Variants in KLB observed in about 807,000 individuals in gnomAD.
KLB encodes klotho beta, also known as beta-klotho.
A neutral mutation model predicts 88.4 loss-of-function variants in KLB; 44 were observed. The ratio of observed to expected loss-of-function variants is 0.50; its 90% CI spans 0.39 to 0.64. The LOEUF (loss-of-function observed/expected upper bound fraction) is 0.64. Ranked by LOEUF, KLB falls within the 30% of genes least tolerant of loss-of-function variation. The pLI, the probability that KLB is intolerant of heterozygous loss-of-function variation, is 0.00. For missense variants in KLB, 1,137 were observed against 1,304.8 expected (o/e 0.87, Z 1.98); for synonymous variants, 548 against 513.4 (o/e 1.07, Z -0.91).
rs950425289 is a variant in KLB at position 39,437,661 on chromosome 4, G to A, written c.1337-66G>A. ...ATATGCTGTCCTCTGGCATGTTAGT[G>A]AAATTGTAAACATGAACTAGAATGT... is the stretch of plus-strand genomic sequence containing the variant. On this transcript the variant is annotated intron_variant, in intron 2 of 4. Transcript: ENST00000257408. The A allele has an allele frequency of 8.6e-6, 13 of 1,505,582 alleles. No individual in the cohort carries two copies. In the South Asian group the frequency reaches 1.5e-4, roughly 17 times the overall value. 93.3% of individuals were successfully genotyped at this position (1,505,582 alleles called of 1,614,324 possible).
chr4:39,421,696 T>C (rs1191022093), intron 1 of KLB, among the ~76,000 whole-genome samples: 1 of 151,596 alleles, frequency 6.6e-6, no homozygotes, highest in African/African-American at 2.4e-5. Flanking sequence ...TAGAGGTTGC[T>C]GTGAGCAGAG....
chr4:39,428,730 G>A (rs944150761), intron 1 of KLB, among the ~76,000 whole-genome samples: 1 of 152,066 alleles, frequency 6.6e-6, no homozygotes, highest in Non-Finnish European at 1.5e-5. Flanking sequence ...TTTCAAGATG[G>A]AGTTTTGCTC....
Position 39,446,642 on chromosome 4 carries a change from T to C in KLB, c.1916T>C (p.Val639Ala), listed in dbSNP as rs749275027. Residue 639 changes from valine (V) to alanine (A), a missense_variant, in exon 4 of 5, where the codon GTC (valine) becomes GCC (alanine). By Grantham distance (64) the Val-to-Ala change is moderately conservative. Coordinates refer to ENST00000257408, the MANE Select transcript of KLB (RefSeq NM_175737.4). This position sits in a 1 kb window ranked among gnomAD's most constrained non-coding sequence, Gnocchi z 6.4. ...EGLKLGISAM[V>A]TLYYPTHAHL... ...CTGAAGCTTGGCATCTCCGCGATGGTCACCCTGTATTATCCGACCCACGCC... is the reference window on the plus strand; with the variant it reads ...CTGAAGCTTGGCATCTCCGCGATGGCCACCCTGTATTATCCGACCCACGCC... 4 of 1,613,424 alleles carry C rather than the reference T, an allele frequency of 2.5e-6. No individual in the cohort carries two copies. Among genetic ancestry groups the C allele is most frequent in the Non-Finnish European group, 3.4e-6 (4 of 1,179,612 alleles).
intron 1 of KLB, among the ~76,000 whole-genome samples, chr4:39,415,168 C>T (rs1384016242): frequency 6.6e-6 from 1 of 152,096 alleles, no homozygotes; most frequent in Non-Finnish European, 1.5e-5. Context: ...CCGCCTCGGC[C>T]TCTCAAAGTG....
intron 1 of KLB, among the ~76,000 whole-genome samples, chr4:39,426,055 A>G (rs1298445289): frequency 1.3e-5 from 2 of 152,094 alleles, no homozygotes; most frequent in African/African-American, 4.8e-5. Flanking sequence ...GATTGAGACC[A>G]TCCTGGCTAA....
intron 1 of KLB, among the ~76,000 whole-genome samples, chr4:39,411,756 T>C (rs1225973739): frequency 1.3e-5 from 2 of 151,948 alleles, no homozygotes. Context: ...TGGTGGCTCA[T>C]ACCTGTAATC....
chr4:39,408,940 CAGA>C (rs1200855274), intron 1 of KLB, among the ~76,000 whole-genome samples: 3 of 77,956 alleles, frequency 3.8e-5, no homozygotes, highest in African/African-American at 1.2e-4. Flanking sequence ...GCTAAATATA[CAGA>C]AGTAGAAAAA....
chr4:39,451,099 C>T lies in KLB; in HGVS notation c.*2413C>T, dbSNP rs1052574758. 3 of 152,140 alleles carry T rather than the reference C, an allele frequency of 2.0e-5. No individual in the cohort carries two copies. Among genetic ancestry groups the T allele is most frequent in the Non-Finnish European group, 2.9e-5 (2 of 68,018 alleles). 9.4% of individuals were successfully genotyped at this position (152,140 alleles called of 1,614,324 possible). On this transcript the variant is annotated 3_prime_UTR_variant, in exon 5 of 5. Coordinates refer to ENST00000257408, the MANE Select transcript of KLB (RefSeq NM_175737.4). Reference sequence around the variant, plus strand: ...TTCCTAACCCAGTACTGAGAGTCCTCCTTCTCTGCCACTTGGGCATTATTT... The same window carrying T: ...TTCCTAACCCAGTACTGAGAGTCCTTCTTCTCTGCCACTTGGGCATTATTT...
Position 39,434,256 on chromosome 4 carries a change from A to C in KLB, c.872A>C (p.His291Pro), listed in dbSNP as rs201137531. 6.2e-7 allele frequency: 1 copy of C among 1,614,056 alleles called. No individual in the cohort carries two copies. Among genetic ancestry groups the C allele is most frequent in the Middle Eastern group, 1.6e-4 (1 of 6,062 alleles). Residue 291 changes from histidine (H) to proline (P), a missense_variant, in exon 2 of 5, where the codon CAT (histidine) becomes CCT (proline). Transcript: ENST00000257408. Reference protein sequence around the residue: ...WHNYNTHFRPHQKGWLSITLG... With the variant: ...WHNYNTHFRPPQKGWLSITLG... ...AACTACAACACACATTTCCGCCCAC[A>C]TCAGAAGGGTTGGTTATCGATCACG...
chr4:39,420,090 A>G (rs1743048497), intron 1 of KLB, among the ~76,000 whole-genome samples: 1 of 152,182 alleles, frequency 6.6e-6, no homozygotes, highest in Non-Finnish European at 1.5e-5. Context: ...GTGAAGAGTG[A>G]ATCACAGAAG....
At chr4:39,431,002 C>T (rs969790662) in intron 1 of KLB, among the ~76,000 whole-genome samples, 1 of 151,618 alleles carries the variant, frequency 6.6e-6, no homozygotes, top group Non-Finnish European at 1.5e-5. Context: ...CTGCAACCTC[C>T]GCCTCCCTGG....
intron 1 of KLB, among the ~76,000 whole-genome samples, chr4:39,420,683 A>G (rs1323245944): frequency 5.3e-5 from 8 of 151,740 alleles, no homozygotes; most frequent in Admixed American, 5.3e-4. Context: ...CCTGGCTAAC[A>G]TTTTTAGTTT....
intron 3 of KLB, among the ~76,000 whole-genome samples, chr4:39,444,184 A>T: frequency 6.6e-6 from 1 of 152,216 alleles, no homozygotes; most frequent in African/African-American, 2.4e-5. Flanking sequence ...AAACAAACAA[A>T]ACATTCTTTC....
At chr4:39,416,773 C>A (rs984343064) in intron 1 of KLB, among the ~76,000 whole-genome samples, 1 of 152,016 alleles carries the variant, frequency 6.6e-6, no homozygotes, top group Non-Finnish European at 1.5e-5. Context: ...CAGGGTGAGA[C>A]CCTGTCTCAA....
Position 39,421,584 on chromosome 4 carries a change from T to C in KLB, c.826-12626T>C, listed in dbSNP as rs555777833. Reference sequence around the variant, plus strand: ...GGCCAACACGGCAAGACCCCGTCTCTACTAAAAATACAAAAAATAATTTAG... The same window carrying C: ...GGCCAACACGGCAAGACCCCGTCTCCACTAAAAATACAAAAAATAATTTAG... On this transcript the variant is annotated intron_variant, in intron 1 of 4. Coordinates refer to ENST00000257408, the MANE Select transcript of KLB (RefSeq NM_175737.4). 3.3e-5 allele frequency among the ~76,000 whole-genome samples: 5 copies of C among 152,282 alleles called. No individual in the cohort carries two copies. In the South Asian group the frequency reaches 8.3e-4, roughly 25 times the overall value.
At chr4:39,440,459 A>G (rs1356036983) in intron 3 of KLB, among the ~76,000 whole-genome samples, 3 of 151,726 alleles carry the variant, frequency 2.0e-5, no homozygotes, top group Non-Finnish European at 2.9e-5. Context: ...CCTGTATTCT[A>G]TTAATAGAAG....
chr4:39,428,334 A>G (rs997794016), intron 1 of KLB, among the ~76,000 whole-genome samples: 1 of 152,058 alleles, frequency 6.6e-6, no homozygotes, highest in African/African-American at 2.4e-5. Flanking sequence ...AGGCTGAGGC[A>G]GAAGAATCGC....
intron 1 of KLB, among the ~76,000 whole-genome samples, chr4:39,423,217 A>C (rs1203789523): frequency 6.6e-6 from 1 of 151,912 alleles, no homozygotes; most frequent in African/African-American, 2.4e-5. Context: ...AGAGAGGTGA[A>C]TCGAGAATTA....
In KLB at chr4:39,434,580, C is replaced by A; in HGVS notation, c.1196C>A (p.Ala399Glu). ...GQNVSLNLRE[A>E]LNWIKLEYNN... Reference sequence around the variant, plus strand: ...AATGTTTCACTTAATTTAAGAGAAGCGCTGAACTGGATTAAACTGGAATAC... The same window carrying A: ...AATGTTTCACTTAATTTAAGAGAAGAGCTGAACTGGATTAAACTGGAATAC... The change falls in exon 2 of 5, where the codon GCG becomes GAG. Residue 399 changes from alanine (A) to glutamate (E), a missense_variant. By Grantham distance (107) the Ala-to-Glu change is moderately radical. This residue lies in a region of KLB where 597 missense variants were observed against 765.2 expected (regional missense o/e 0.78). Coordinates refer to ENST00000257408, the MANE Select transcript of KLB (RefSeq NM_175737.4). 1 of 1,614,088 alleles carries A rather than the reference C, an allele frequency of 6.2e-7. No homozygotes were observed. Among genetic ancestry groups the A allele is most frequent in the Non-Finnish European group, 8.5e-7 (1 of 1,180,018 alleles).
Sources: allele counts gnomAD v4.1 joint callset (sites outside exome capture counted in the v4.1 genomes callset), GRCh38; gene constraint gnomAD v4.1.1; regional missense constraint gnomAD v4.1.1; non-coding constraint Gnocchi (gnomAD v3.1); transcripts MANE v1.5; gene names NCBI Gene and HGNC (gene_info 2026-07-23, HGNC 2026-07-21).